The following LNX2 variants were observed in gnomAD, a reference collection of about 807,000 sequenced individuals.
The protein encoded by LNX2 is ligand of numb-protein X 2, also known as ligand of Numb protein X 2.
Under a neutral mutation model 66.2 loss-of-function variants are expected in LNX2, and 35 were observed. The ratio of observed to expected loss-of-function variants is 0.53; its 90% CI spans 0.40 to 0.70. The LOEUF is 0.70. LNX2 is among the 30% of genes least tolerant of loss of function. The probability of loss-of-function intolerance (pLI) is 0.00; values close to 1 mark genes in which losing one functional copy is unlikely to be tolerated. For synonymous variants in LNX2, 337 were observed against 315.6 expected (o/e 1.07, Z -0.72); for missense variants, 791 against 850.8 (o/e 0.93, Z 0.87).
chr13:27,552,193 G>A (rs1369205108), intron 8 of LNX2, among the ~76,000 whole-genome samples: 1 of 152,174 alleles, frequency 6.6e-6, no homozygotes, highest in Non-Finnish European at 1.5e-5. Context: ...TGGTATATCA[G>A]ATAAGGAAAA....
At chr13:27,588,141 T>C (rs1373694926) in intron 1 of LNX2, among the ~76,000 whole-genome samples, 5 of 150,300 alleles carry the variant, frequency 3.3e-5, no homozygotes, top group Non-Finnish European at 1.5e-5. Context: ...GCAACTACCA[T>C]ATAATCCAGC....
intron 1 of LNX2, among the ~76,000 whole-genome samples, chr13:27,583,227 TGTG>T (rs1955432304): frequency 5.1e-5 from 1 of 19,696 alleles, no homozygotes; most frequent in Non-Finnish European, 1.0e-4. Flanking sequence ...TGTGTGTGTG[TGTG>T]TGTGTGTGTG....
chr13:27,576,618 C>T (rs1303265122), intron 2 of LNX2, among the ~76,000 whole-genome samples: 3 of 151,562 alleles, frequency 2.0e-5, no homozygotes, highest in Admixed American at 6.6e-5. Context: ...CCCAGCTACT[C>T]GGATGCTGAG....
chr13:27,607,167 G>A (rs1667908688), intron 1 of LNX2, among the ~76,000 whole-genome samples: 1 of 152,172 alleles, frequency 6.6e-6, no homozygotes, highest in Non-Finnish European at 1.5e-5. Context: ...GAAATGTCCA[G>A]TGTTATAATA....
At chr13:27,553,536 C>T (rs1955028555) in intron 7 of LNX2, 97 bp from the exon 8 acceptor site, 2 of 813,416 alleles carry the variant, frequency 2.5e-6, no homozygotes, top group African/African-American at 1.7e-5. Flanking sequence ...GTTAGTTCCC[C>T]CAACTCTGAT....
chr13:27,590,758 T>C (rs1218076003), intron 1 of LNX2, among the ~76,000 whole-genome samples: 1 of 152,130 alleles, frequency 6.6e-6, no homozygotes, highest in Non-Finnish European at 1.5e-5. Flanking sequence ...GATCAACCTA[T>C]GCAATAAGGT....
At chr13:27,600,513 T>C (rs1183938491) in intron 1 of LNX2, among the ~76,000 whole-genome samples, 1 of 152,166 alleles carries the variant, frequency 6.6e-6, no homozygotes, top group Non-Finnish European at 1.5e-5. Flanking sequence ...GGTAAAGAAA[T>C]CTGTAAGAAA....
rs1379416607 is a variant in LNX2 at position 27,569,192 on chromosome 13, C to A, written c.492G>T (p.Gly164=). The change falls in exon 3 of 10, where the codon GGG becomes GGT. Residue 164 remains glycine (G), a synonymous_variant. Coordinates refer to ENST00000316334, the MANE Select transcript of LNX2 (RefSeq NM_153371.4). ...TACCTGCAGGATCTAGTAGAGTGGG[C>A]CCATTTTCATTCTCAATCTCTGCTT... ...RTQAEIENEN[G]PTLLDPAGTL... 1 of 1,612,702 alleles carries A rather than the reference C, an allele frequency of 6.2e-7. No individual in the cohort carries two copies. Among genetic ancestry groups the A allele is most frequent in the Admixed American group, 1.7e-5 (1 of 59,830 alleles).
chr13:27,549,293 T>C (rs1954978869), intron 9 of LNX2, among the ~76,000 whole-genome samples: 1 of 152,222 alleles, frequency 6.6e-6, no homozygotes, highest in African/African-American at 2.4e-5. Context: ...GCATTCTATA[T>C]AGAATGTCAA....
At chr13:27,570,666 T>C (rs1955268214) in intron 2 of LNX2, among the ~76,000 whole-genome samples, 1 of 152,186 alleles carries the variant, frequency 6.6e-6, no homozygotes. Flanking sequence ...TAATTCGAAA[T>C]ATATTTTTAA....
At chr13:27,588,659 CTG>C (rs1414187866) in intron 1 of LNX2, among the ~76,000 whole-genome samples, 2 of 152,102 alleles carry the variant, frequency 1.3e-5, no homozygotes, top group Non-Finnish European at 2.9e-5. Context: ...TGGGATCTCT[CTG>C]TATTATTTCT....
chr13:27,574,296 T>A (rs1195364300), intron 2 of LNX2, among the ~76,000 whole-genome samples: 1 of 151,992 alleles, frequency 6.6e-6, no homozygotes, highest in Non-Finnish European at 1.5e-5. Context: ...AATACAAAAT[T>A]AGCCAGGTTT....
chr13:27,591,514 G>C (rs1027886249), intron 1 of LNX2, among the ~76,000 whole-genome samples: 3 of 152,200 alleles, frequency 2.0e-5, no homozygotes, highest in Non-Finnish European at 4.4e-5. Context: ...CCACTAGGGA[G>C]TGAACTTTCA....
At chr13:27,561,030 C>T (rs1198580600) in intron 5 of LNX2, among the ~76,000 whole-genome samples, 2 of 152,040 alleles carry the variant, frequency 1.3e-5, no homozygotes, top group African/African-American at 2.4e-5. Flanking sequence ...AACAATAACG[C>T]TTTTACTTAT....
intron 7 of LNX2, among the ~76,000 whole-genome samples, chr13:27,553,741 C>CT (rs1406547947): frequency 1.3e-5 from 2 of 152,126 alleles, no homozygotes; most frequent in African/African-American, 2.4e-5. Context: ...TGTACAGGCC[C>CT]TGGGCAGGTT....
intron 1 of LNX2, among the ~76,000 whole-genome samples, chr13:27,610,090 T>C (rs958964183): frequency 1.3e-5 from 2 of 152,246 alleles, no homozygotes; most frequent in Admixed American, 1.3e-4. Context: ...ACTTGAAATC[T>C]ATTAAATAGC....
chr13:27,551,629 ATAAT>A (rs144791691), intron 8 of LNX2, among the ~76,000 whole-genome samples: 5,614 of 152,026 alleles, frequency 0.037, 365 homozygotes, highest in African/African-American at 0.13. Flanking sequence ...CATAATATAA[ATAAT>A]TAATTTTAAA....
At chr13:27,579,151 T>C (rs1296937758) in intron 2 of LNX2, among the ~76,000 whole-genome samples, 1 of 152,218 alleles carries the variant, frequency 6.6e-6, no homozygotes, top group Non-Finnish European at 1.5e-5. Flanking sequence ...CAATATTTGC[T>C]GAATAAACAA....
Position 27,614,721 on chromosome 13 carries a change from G to A in LNX2, c.-101+5654C>T, listed in dbSNP as rs532520951. On this transcript the variant is annotated intron_variant, in intron 1 of 9. Coordinates refer to ENST00000316334, the MANE Select transcript of LNX2 (RefSeq NM_153371.4). ...AAAACTGAAATAAGATTTAAGTAAA[G>A]GTCTCCAATTTATGGGTTCAGTAAT... is the stretch of plus-strand genomic sequence containing the variant. Among the ~76,000 whole-genome samples the A allele has an allele frequency of 2.4e-4, 37 of 152,282 alleles. No individual in the cohort carries two copies. The South Asian group carries it at 5.8e-3, about 24-fold the overall frequency.
Sources: gnomAD v4.1 joint callset for allele counts (sites outside exome capture counted in the v4.1 genomes callset) on GRCh38, gnomAD v4.1.1 for gene constraint, MANE v1.5 for transcripts, NCBI Gene and HGNC (gene_info 2026-07-23, HGNC 2026-07-21) for gene names.